Variants in CD300LD observed in about 807,000 individuals in gnomAD.
CD300LD encodes CMRF35-like molecule 5.
A neutral mutation model predicts 20.3 loss-of-function variants in CD300LD; 18 were observed. The ratio of observed to expected loss-of-function variants is 0.89; its 90% CI spans 0.61 to 1.32. CD300LD has a LOEUF of 1.32. Ranked by LOEUF, CD300LD falls within the 40% of genes most tolerant of loss-of-function variation. The probability of loss-of-function intolerance (pLI) is 0.00; values close to 1 mark genes in which losing one functional copy is unlikely to be tolerated. For synonymous variants in CD300LD, 104 were observed against 90.1 expected (o/e 1.15, Z -0.87); for missense variants, 195 against 226.6 (o/e 0.86, Z 0.90).
chr17:74,592,240 G>A lies in CD300LD; in HGVS notation c.-38C>T. The stretch of plus-strand genomic sequence containing the variant: ...TCTCCTCTCCTTGGTGATCACAGGT[G>A]TCTGGTGCCCTTCAGGGACTTGAAT... On this transcript the variant is annotated 5_prime_UTR_variant, in exon 1 of 4. Coordinates refer to ENST00000375352, the MANE Select transcript of CD300LD (RefSeq NM_001115152.2). 1 of 1,614,130 alleles carries A rather than the reference G, an allele frequency of 6.2e-7. No individual in the cohort carries two copies. The highest frequency in any genetic ancestry group is 1.7e-5 in the Admixed American group (1 of 60,012).
chr17:74,589,568 C>T (rs1375592983), intron 1 of CD300LD, among the ~76,000 whole-genome samples: 3 of 152,212 alleles, frequency 2.0e-5, no homozygotes, highest in South Asian at 4.1e-4. Context: ...GAGGAACGGG[C>T]ATACCTAATT....
intron 2 of CD300LD, 92 bp downstream of exon 2, chr17:74,588,419 T>C (rs920566380): frequency 1.9e-5 from 15 of 797,670 alleles, no homozygotes; most frequent in Non-Finnish European, 2.9e-5. Context: ...CACAGGTCAC[T>C]CTGAGTGACA....
At chr17:74,590,411 G>T (rs928980837) in intron 1 of CD300LD, 2 of 151,936 alleles carry the variant, frequency 1.3e-5, no homozygotes, top group Non-Finnish European at 2.9e-5. Context: ...AATAGTAATG[G>T]CATCTACCTC....
chr17:74,581,043 C>T (rs906618756), intron 3 of CD300LD, among the ~76,000 whole-genome samples: 1 of 151,928 alleles, frequency 6.6e-6, no homozygotes, highest in Admixed American at 6.6e-5. Flanking sequence ...GGTCAAAATG[C>T]CCCCAAAGGT....
At chr17:74,588,448 G>T in intron 2 of CD300LD, 63 bp downstream of exon 2, 2 of 1,047,538 alleles carry the variant, frequency 1.9e-6, no homozygotes, top group East Asian at 2.4e-5. Flanking sequence ...ACTCAAGTGG[G>T]ACCTCAGGGA....
At chr17:74,578,803 AC>A (rs1250756084), downstream of CD300LD, among the ~76,000 whole-genome samples, 1 of 152,074 alleles carries the variant, frequency 6.6e-6, no homozygotes, top group African/African-American at 2.4e-5. Flanking sequence ...CTCTGTCTTA[AC>A]CACCAGATGA....
intron 3 of CD300LD, among the ~76,000 whole-genome samples, chr17:74,580,318 C>G (rs2030005249): frequency 6.6e-6 from 1 of 152,236 alleles, no homozygotes; most frequent in African/African-American, 2.4e-5. Flanking sequence ...TAAACTCAGC[C>G]TGGCATTCAA....
rs2030231825 is a variant in CD300LD at position 74,588,730 on chromosome 17, G to T, written c.160C>A (p.Gln54Lys). 6.2e-7 allele frequency: 1 copy of T among 1,614,018 alleles called. No homozygotes were observed. Among genetic ancestry groups the T allele is most frequent in the Non-Finnish European group, 8.5e-7 (1 of 1,180,030 alleles). Residue 54 changes from glutamine to lysine, a missense_variant, in exon 2 of 4, where the codon CAA (glutamine) becomes AAA (lysine). Gln to Lys is a moderately conservative substitution (Grantham distance 53). Coordinates refer to ENST00000375352, the MANE Select transcript of CD300LD (RefSeq NM_001115152.2). ...TTACAGTAATTCCAATCAGCTCCTT[G>T]ACACCGCCACTTCAAGTAGGTCTCC... Reference protein sequence around the residue: ...GWETYLKWRCQGADWNYCNIL... With the variant: ...GWETYLKWRCKGADWNYCNIL...
Position 74,588,658 on chromosome 17 carries a change from G to A in CD300LD, c.232C>T (p.Arg78Ter), listed in dbSNP as rs747063220. 7 of 1,614,160 alleles carry A rather than the reference G, an allele frequency of 4.3e-6. No individual in the cohort carries two copies. Among genetic ancestry groups the A allele is most frequent in the South Asian group, 1.1e-5 (1 of 91,074 alleles). The change falls in exon 2 of 4, where the codon CGA becomes TGA. Residue 78 changes from arginine (R) to a stop codon, truncating the protein, a stop_gained. Transcript: ENST00000375352. LOFTEE classifies it high-confidence loss of function. ...NGSEQEVKKN[R>*]VSIRDNQKNH... ...TTCTGATTGTCCCTGATGGAAACTC[G>A]ATTCTTCTTTACCTCCTGCTCTGAT...
At chr17:74,579,291 T>G (rs751110843), downstream of CD300LD, 11 of 152,342 alleles carry the variant, frequency 7.2e-5, no homozygotes, top group Admixed American at 2.6e-4. Flanking sequence ...CATTATTGAC[T>G]GGAGACTTGA....
intron 2 of CD300LD, among the ~76,000 whole-genome samples, chr17:74,585,173 C>G (rs1381453951): frequency 6.6e-6 from 1 of 152,156 alleles, no homozygotes; most frequent in Non-Finnish European, 1.5e-5. Flanking sequence ...ATACATAACC[C>G]GTGGTTTCCA....
At position 74,582,082 on chromosome 17, in the gene CD300LD, T is replaced by G. The variant is rs1428297720; in HGVS notation, c.473+136A>C. 5 of 609,920 alleles carry G rather than the reference T, an allele frequency of 8.2e-6. No individual in the cohort carries two copies. In the East Asian group the frequency reaches 1.2e-4, roughly 14 times the overall value. 37.8% of individuals were successfully genotyped at this position (609,920 alleles called of 1,614,324 possible). ...CCATGAAATAGTTGGGATATACTTATGCTAAAAAATGTTTTGTTGTTTGTC... is the reference window on the plus strand; with the variant it reads ...CCATGAAATAGTTGGGATATACTTAGGCTAAAAAATGTTTTGTTGTTTGTC... On this transcript the variant is annotated intron_variant, in intron 3 of 3. Transcript: ENST00000375352.
At chr17:74,589,059 A>C (rs2030243626) in intron 1 of CD300LD, among the ~76,000 whole-genome samples, 1 of 152,258 alleles carries the variant, frequency 6.6e-6, no homozygotes, top group Admixed American at 6.5e-5. Flanking sequence ...ATCCCCAAAG[A>C]AACACAAATG....
intron 1 of CD300LD, among the ~76,000 whole-genome samples, chr17:74,589,461 GT>G (rs2030254806): frequency 6.6e-6 from 1 of 152,156 alleles, no homozygotes; most frequent in South Asian, 2.1e-4. Context: ...ACAAGTAAAG[GT>G]TAGGTATAAA....
At position 74,582,314 on chromosome 17, in the gene CD300LD, A is replaced by G. The variant is rs778099413; in HGVS notation, c.380-3T>C. The G allele has an allele frequency of 6.2e-7, 1 of 1,613,094 alleles. No homozygotes were observed. Among genetic ancestry groups the G allele is most frequent in the Admixed American group, 1.7e-5 (1 of 59,994 alleles). ...TTCTGAGACTGCAGTTTGTGTGCCT[A>G]AACATACAAAGCAGAACACGGTTCA... On this transcript the variant is annotated splice_region_variant and splice_polypyrimidine_tract_variant and intron_variant, in intron 2 of 3. Transcript: ENST00000375352.
intron 1 of CD300LD, among the ~76,000 whole-genome samples, chr17:74,589,958 C>A (rs1598133223): frequency 6.6e-6 from 1 of 152,178 alleles, no homozygotes; most frequent in Admixed American, 6.5e-5. Flanking sequence ...GGGTTTGAAT[C>A]CTGGCTCTAC....
rs1010701670 is a variant in CD300LD, at chr17:74,592,235, C to T, written c.-33G>A. 6.2e-7 allele frequency: 1 copy of T among 1,614,154 alleles called. No homozygotes were observed. The highest frequency in any genetic ancestry group is 8.5e-7 in the Non-Finnish European group (1 of 1,179,994). On this transcript the variant is annotated 5_prime_UTR_variant, in exon 1 of 4. In the 5' UTR this introduces an upstream ATG that the reference lacks. Transcript: ENST00000375352. ...TCTCCTCTCCTCTCCTTGGTGATCA[C>T]AGGTGTCTGGTGCCCTTCAGGGACT...
At chr17:74,584,361 A>G (rs769317766) in intron 2 of CD300LD, among the ~76,000 whole-genome samples, 4 of 152,156 alleles carry the variant, frequency 2.6e-5, no homozygotes, top group Non-Finnish European at 5.9e-5. Flanking sequence ...AGTAATGTTA[A>G]CTTTTGTTAC....
At chr17:74,587,598 T>C (rs1369070574) in intron 2 of CD300LD, among the ~76,000 whole-genome samples, 1 of 152,234 alleles carries the variant, frequency 6.6e-6, no homozygotes, top group African/African-American at 2.4e-5. Context: ...TAATATTATC[T>C]GTGTTCTGAT....
Sources: allele counts gnomAD v4.1 joint callset (sites outside exome capture counted in the v4.1 genomes callset), GRCh38; gene constraint gnomAD v4.1.1; transcripts MANE v1.5; gene names NCBI Gene and HGNC (gene_info 2026-07-23, HGNC 2026-07-21).